The following TACC2 variants were observed in gnomAD, a reference collection of about 807,000 sequenced individuals.
TACC2 encodes transforming acidic coiled-coil containing protein 2, also known as transforming acidic coiled-coil-containing protein 2.
In TACC2, 137 loss-of-function variants were observed where a neutral mutation model predicts 227.3. The observed-to-expected ratio is 0.60, with a 90% CI of 0.52 to 0.69. The LOEUF is 0.69. Ranked by LOEUF, TACC2 falls within the 30% of genes least tolerant of loss-of-function variation. The pLI is 0.00. For missense variants in TACC2, 3,470 were observed against 3,694.4 expected, an observed-to-expected ratio of 0.94 and a Z score of 1.57; for synonymous variants, 1,523 against 1,487.5, an observed-to-expected ratio of 1.02 and a Z score of -0.55.
In TACC2 at chr10:122,005,272, T is replaced by TG. The variant is rs1954929035; in HGVS notation, c.-46+15788dup. Among the ~76,000 whole-genome samples, 3 of 152,066 alleles carry TG rather than the reference T, an allele frequency of 2.0e-5. No homozygotes were observed. The South Asian group carries it at 6.2e-4, about 32-fold the overall frequency. ...AAGTTTTTTGTATTTTTAATAGAGA[T>TG]GGGGTGTCACCAGTTTACCCAGGCT... On this transcript the variant is annotated intron_variant, in intron 1 of 22. Coordinates refer to ENST00000369005, the MANE Select transcript of TACC2 (RefSeq NM_206862.4).
At chr10:122,061,075 C>T (rs1480283932) in intron 3 of TACC2, among the ~76,000 whole-genome samples, 2 of 150,382 alleles carry the variant, frequency 1.3e-5, no homozygotes, top group African/African-American at 4.9e-5. Context: ...TCTGGGAGGC[C>T]GAGGCGGGCA....
chr10:122,169,002 A>G lies in TACC2; in HGVS notation c.5834+25296A>G, dbSNP rs116578239. On this transcript the variant is annotated intron_variant, in intron 7 of 22. Coordinates refer to ENST00000369005, the MANE Select transcript of TACC2 (RefSeq NM_206862.4). ...TTCTGTGAAAACCAATTGTTCATGG[A>G]CTGATGCTTTGTTTCAGGTTGGACA... is the stretch of plus-strand genomic sequence containing the variant. 2.3e-3 allele frequency among the ~76,000 whole-genome samples: 349 copies of G among 152,290 alleles called. 2 individuals are homozygous for G. The highest frequency in any genetic ancestry group is 7.9e-3 in the African/African-American group (328 of 41,560).
intron 6 of TACC2, 68 bp downstream of exon 6, chr10:122,132,802 CTCCCCTCCCT>C: frequency 1.3e-6 from 2 of 1,535,960 alleles, no homozygotes; most frequent in Non-Finnish European, 1.8e-6. Flanking sequence ...CCTTCCCCCG[CTCCCCTCCCT>C]TCCCCTCCCC....
At chr10:122,152,463 C>T (rs557631411) in intron 7 of TACC2, among the ~76,000 whole-genome samples, 9 of 152,352 alleles carry the variant, frequency 5.9e-5, no homozygotes, top group African/African-American at 1.9e-4. Context: ...AACATTGTGG[C>T]CAGTACACAT....
rs2079867960 is a variant in TACC2, at chr10:122,084,395, C to G, written c.1895C>G (p.Ser632Ter). 2 of 1,613,134 alleles carry G rather than the reference C, an allele frequency of 1.2e-6. No individual in the cohort carries two copies. Among genetic ancestry groups the G allele is most frequent in the Non-Finnish European group, 1.7e-6 (2 of 1,180,046 alleles). Residue 632 changes from serine (S) to a stop codon, truncating the protein, a stop_gained, in exon 4 of 23, where the codon TCA (serine) becomes TGA (stop). Transcript: ENST00000369005. LOFTEE classifies it high-confidence loss of function. ...AESRDHPSSHSAQPPRKGGAG... is the reference protein window; with the variant it reads ...AESRDHPSSH ...AGCAGAGACCATCCCAGCTCACACT[C>G]AGCACAGCCACCCAGAAAGGGGGGT...
At position 122,104,454 on chromosome 10, in the gene TACC2, C is replaced by T. The variant is rs147477340; in HGVS notation, c.5573+15863C>T. Among the ~76,000 whole-genome samples, 1,399 of 152,166 alleles carry T rather than the reference C, an allele frequency of 9.2e-3. 28 individuals carry two copies. Among genetic ancestry groups the T allele is most frequent in the African/African-American group, 0.031 (1,273 of 41,506 alleles). ...TGCGATCTTGTCTCATTGCAACCTC[C>T]GCCTCCCAGGTTCAAGTGATTCTCC... On this transcript the variant is annotated intron_variant, in intron 5 of 22. Transcript: ENST00000369005.
In TACC2 at chr10:122,045,263, A is replaced by G. The variant is rs75744365; in HGVS notation, c.34-5175A>G. Among the ~76,000 whole-genome samples the G allele has an allele frequency of 1.3e-3, 198 of 152,344 alleles. 1 individual carries two copies. Among genetic ancestry groups the G allele is most frequent in the African/African-American group, 4.7e-3 (195 of 41,584 alleles). ...ATACCACATTATTCTCAAATGTCCA[A>G]TTGCTATAATTCCTTGGAGCATAGC... On this transcript the variant is annotated intron_variant, in intron 2 of 22. Coordinates refer to ENST00000369005, the MANE Select transcript of TACC2 (RefSeq NM_206862.4).
At chr10:122,136,547 A>G (rs77956347) in intron 6 of TACC2, among the ~76,000 whole-genome samples, 4,004 of 34,566 alleles carry the variant, frequency 0.12, 169 homozygotes, top group African/African-American at 0.22. Flanking sequence ...GTGTGTGTGT[A>G]TATATATATA....
intron 3 of TACC2, among the ~76,000 whole-genome samples, chr10:122,053,342 A>G (rs1392053090): frequency 2.0e-5 from 3 of 152,070 alleles, no homozygotes; most frequent in East Asian, 1.9e-4. Context: ...TATCATGAGA[A>G]CAGCTTGGGA....
At chr10:122,143,909 G>A (rs1189608934) in intron 7 of TACC2, among the ~76,000 whole-genome samples, 1 of 152,190 alleles carries the variant, frequency 6.6e-6, no homozygotes, top group Non-Finnish European at 1.5e-5. Flanking sequence ...ATGTCACAGT[G>A]GGAAGCATGG....
intron 5 of TACC2, among the ~76,000 whole-genome samples, chr10:122,115,135 T>C (rs1010595813): frequency 6.6e-6 from 1 of 152,194 alleles, no homozygotes; most frequent in South Asian, 2.1e-4. Flanking sequence ...TTGATGCTTT[T>C]ATGGAGACAG....
intron 11 of TACC2, among the ~76,000 whole-genome samples, chr10:122,218,878 T>C (rs1337415138): frequency 1.3e-5 from 2 of 151,796 alleles, no homozygotes; most frequent in African/African-American, 4.8e-5. Context: ...AAAAATTATC[T>C]GGGCATGCTG....
At chr10:122,056,811 G>A (rs1333605484) in intron 3 of TACC2, among the ~76,000 whole-genome samples, 1 of 152,210 alleles carries the variant, frequency 6.6e-6, no homozygotes, top group Admixed American at 6.5e-5. Context: ...CCATGTTGAG[G>A]AGAATCTGTC....
At chr10:122,135,722 T>A (rs2089486407) in intron 6 of TACC2, among the ~76,000 whole-genome samples, 2 of 152,258 alleles carry the variant, frequency 1.3e-5, no homozygotes, top group African/African-American at 4.8e-5. Flanking sequence ...ACCCCAGAGT[T>A]GATACTTGTG....
chr10:122,104,478 C>T (rs1029569865), intron 5 of TACC2, among the ~76,000 whole-genome samples: 2 of 152,098 alleles, frequency 1.3e-5, no homozygotes, highest in African/African-American at 4.8e-5. Context: ...AAGTGATTCT[C>T]CTGCCTCAAC....
chr10:122,088,678 T>A (rs2080363305), intron 5 of TACC2, 87 bp downstream of exon 5: 1 of 1,555,456 alleles, frequency 6.4e-7, no homozygotes, highest in Non-Finnish European at 8.7e-7. Context: ...AGAGTAGTCC[T>A]TATACAGCAT....
chr10:122,162,058 C>T (rs1041529991), intron 7 of TACC2, among the ~76,000 whole-genome samples: 4 of 152,236 alleles, frequency 2.6e-5, no homozygotes, highest in Non-Finnish European at 4.4e-5. Context: ...CACCTCGTCA[C>T]ACCACCCCGA....
At chr10:122,222,148 G>T (rs1197352723) in intron 11 of TACC2, among the ~76,000 whole-genome samples, 3 of 152,212 alleles carry the variant, frequency 2.0e-5, no homozygotes, top group Non-Finnish European at 4.4e-5. Context: ...TTCCTGGCCT[G>T]CCAGCTGTGT....
At chr10:122,207,200 C>T (rs572064041) in intron 8 of TACC2, among the ~76,000 whole-genome samples, 11 of 151,886 alleles carry the variant, frequency 7.2e-5, no homozygotes, top group African/African-American at 2.7e-4. Context: ...TCGGGAGGCT[C>T]AGACAAGAGA....
Sources: gnomAD v4.1 joint callset for allele counts (sites outside exome capture counted in the v4.1 genomes callset) on GRCh38, gnomAD v4.1.1 for gene constraint, MANE v1.5 for transcripts, NCBI Gene and HGNC (gene_info 2026-07-23, HGNC 2026-07-21) for gene names.